SCAI: variants seen among roughly 807,000 people sequenced by gnomAD.
The protein encoded by SCAI is suppressor of cancer cell invasion, also known as protein SCAI.
A neutral mutation model predicts 92.2 loss-of-function variants in SCAI; 24 were observed. That is an observed-to-expected ratio of 0.26 (90% CI 0.19 to 0.37). The LOEUF is 0.37. SCAI is among the 10% of genes least tolerant of loss of function. The pLI is 1.00. For missense variants in SCAI, 450 were observed against 736.2 expected, an observed-to-expected ratio of 0.61 and a Z score of 4.50; for synonymous variants, 261 against 258.6, an observed-to-expected ratio of 1.01 and a Z score of -0.09.
At chr9:125,058,527 CTG>C (rs992654721) in intron 2 of SCAI, among the ~76,000 whole-genome samples, 4 of 152,090 alleles carry the variant, frequency 2.6e-5, no homozygotes, top group African/African-American at 9.7e-5. Flanking sequence ...AAAAAATAAA[CTG>C]TAAGTATGAG....
rs947430675 is a variant in SCAI at position 125,008,487 on chromosome 9, G to GA, written c.862-4918dup. ...GGTTTCATCATGCTGCCCAGGCTAGGAAAAAAAAATTTAATCTATAAAACA... is the reference window on the plus strand; with the variant it reads ...GGTTTCATCATGCTGCCCAGGCTAGGAAAAAAAAAATTTAATCTATAAAACA... On this transcript the variant is annotated intron_variant, in intron 9 of 17. Transcript: ENST00000336505. Among the ~76,000 whole-genome samples the GA allele has an allele frequency of 4.0e-5, 6 of 151,110 alleles. 1 individual carries two copies. The South Asian group carries it at 8.4e-4, about 21-fold the overall frequency.
chr9:124,955,489 C>T lies in SCAI; in HGVS notation c.1675-2536G>A, dbSNP rs147304020. Among the ~76,000 whole-genome samples, 1,493 of 151,570 alleles carry T rather than the reference C, an allele frequency of 9.9e-3. 22 individuals are homozygous for T. Among genetic ancestry groups the T allele is most frequent in the African/African-American group, 0.034 (1,421 of 41,288 alleles). ...TACAAAAATTAGCTGGGCATGGTGG[C>T]GGGTGCCTGTAATCCCAGCTACTTG... is the stretch of plus-strand genomic sequence containing the variant. On this transcript the variant is annotated intron_variant, in intron 17 of 17. Transcript: ENST00000336505.
At position 125,084,158 on chromosome 9, in the gene SCAI, C is replaced by CTTTTTTTTTTTTT. The variant is rs34786493; in HGVS notation, c.99-28164_99-28152dup. ...ATATGAACAGGACTCTTGGCTGCTGCTTTTTTTTTTTTTTTTTTTTTTTTT... is the reference window on the plus strand; with the variant it reads ...ATATGAACAGGACTCTTGGCTGCTGCTTTTTTTTTTTTTTTTTTTTTTTTTTTTTTTTTTTTTT... On this transcript the variant is annotated intron_variant, in intron 2 of 17. Coordinates refer to ENST00000336505, the MANE Select transcript of SCAI (RefSeq NM_001144877.3). 4.5e-4 allele frequency among the ~76,000 whole-genome samples: 29 copies of CTTTTTTTTTTTTT among 65,138 alleles called. 6 individuals carry two copies. The highest frequency in any genetic ancestry group is 9.8e-4 in the African/African-American group (15 of 15,266). 42.7% of individuals were successfully genotyped at this position (65,138 alleles called of 152,430 possible).
chr9:125,030,368 T>C (rs1031144439), intron 3 of SCAI, among the ~76,000 whole-genome samples: 1 of 152,220 alleles, frequency 6.6e-6, no homozygotes, highest in Non-Finnish European at 1.5e-5. Context: ...CATTTTCAAT[T>C]TTCCCTCTGA....
At chr9:125,036,913 A>T (rs1484541781) in intron 3 of SCAI, among the ~76,000 whole-genome samples, 1 of 152,224 alleles carries the variant, frequency 6.6e-6, no homozygotes, top group Non-Finnish European at 1.5e-5. Context: ...TTGAACCCAG[A>T]AGTTCAAGAC....
At chr9:125,003,359 C>G (rs1232058928) in intron 10 of SCAI, 110 bp downstream of exon 10, 5 of 1,005,480 alleles carry the variant, frequency 5.0e-6, no homozygotes, top group African/African-American at 4.8e-5. Flanking sequence ...CATGTCTCAT[C>G]AAGTGAATTC....
chr9:125,131,730 A>C (rs1835404665), intron 2 of SCAI, among the ~76,000 whole-genome samples: 1 of 152,214 alleles, frequency 6.6e-6, no homozygotes, highest in Admixed American at 6.5e-5. Context: ...ACCATGCTAC[A>C]AGAAATGGCT....
intron 2 of SCAI, among the ~76,000 whole-genome samples, chr9:125,094,119 T>C (rs1834498566): frequency 1.3e-5 from 2 of 152,232 alleles, no homozygotes; most frequent in Non-Finnish European, 2.9e-5. Flanking sequence ...GATGATCTTT[T>C]AAAATATGTC....
chr9:125,059,973 C>T (rs1489508347), intron 2 of SCAI, among the ~76,000 whole-genome samples: 2 of 152,190 alleles, frequency 1.3e-5, no homozygotes, highest in East Asian at 1.9e-4. Flanking sequence ...AGCATTCAAA[C>T]GACAACTTTT....
intron 3 of SCAI, among the ~76,000 whole-genome samples, chr9:125,050,557 C>T (rs1833540195): frequency 6.6e-6 from 1 of 152,122 alleles, no homozygotes; most frequent in Admixed American, 6.6e-5. Context: ...TAATATTGAA[C>T]AAAGAACACT....
chr9:124,987,104 C>T (rs1466470681), intron 14 of SCAI, among the ~76,000 whole-genome samples: 5 of 152,116 alleles, frequency 3.3e-5, no homozygotes, highest in Non-Finnish European at 7.4e-5. Context: ...GCGATCTCGG[C>T]TCACTGCCTC....
At chr9:125,112,439 T>C (rs1372697027) in intron 2 of SCAI, among the ~76,000 whole-genome samples, 1 of 152,146 alleles carries the variant, frequency 6.6e-6, no homozygotes, top group Non-Finnish European at 1.5e-5. Context: ...TTATTATAAC[T>C]ATAGGGGCAA....
chr9:125,077,968 C>A (rs1383066077), intron 2 of SCAI, among the ~76,000 whole-genome samples: 1 of 152,112 alleles, frequency 6.6e-6, no homozygotes, highest in African/African-American at 2.4e-5. Context: ...ATCCACACCC[C>A]CCCCGCCTCC....
chr9:125,134,441 A>G (rs1459570009), intron 2 of SCAI, among the ~76,000 whole-genome samples: 1 of 152,196 alleles, frequency 6.6e-6, no homozygotes, highest in Non-Finnish European at 1.5e-5. Context: ...AACAAATTAC[A>G]TACAACAACA....
At chr9:125,137,197 C>A (rs1835557617) in intron 2 of SCAI, among the ~76,000 whole-genome samples, 1 of 152,158 alleles carries the variant, frequency 6.6e-6, no homozygotes, top group Non-Finnish European at 1.5e-5. Flanking sequence ...CTTGGTCCTG[C>A]CCATAGGACC....
intron 2 of SCAI, among the ~76,000 whole-genome samples, chr9:125,104,242 T>C (rs528256922): frequency 8.5e-5 from 13 of 152,332 alleles, no homozygotes; most frequent in Admixed American, 7.8e-4. Context: ...CTTCCTATTA[T>C]ATTAAAACCC....
chr9:124,962,248 C>T (rs577154921), intron 17 of SCAI, among the ~76,000 whole-genome samples: 1 of 147,522 alleles, frequency 6.8e-6, no homozygotes, highest in East Asian at 2.0e-4. Context: ...CAACCTCCAC[C>T]TTCTGGGTTC....
At chr9:125,124,451 G>A (rs780405933) in intron 2 of SCAI, among the ~76,000 whole-genome samples, 4 of 152,108 alleles carry the variant, frequency 2.6e-5, no homozygotes, top group Admixed American at 6.6e-5. Flanking sequence ...AATCAATGGC[G>A]CAAGTTCCAA....
At chr9:125,107,816 C>T (rs1274123226) in intron 2 of SCAI, among the ~76,000 whole-genome samples, 1 of 152,124 alleles carries the variant, frequency 6.6e-6, no homozygotes, top group Non-Finnish European at 1.5e-5. Context: ...CCCCTCTCCC[C>T]TCTCCATCTC....
Sources: gnomAD v4.1 joint callset for allele counts (sites outside exome capture counted in the v4.1 genomes callset) on GRCh38, gnomAD v4.1.1 for gene constraint, MANE v1.5 for transcripts, NCBI Gene and HGNC (gene_info 2026-07-23, HGNC 2026-07-21) for gene names.